Variants in FARS2 observed in about 807,000 individuals in gnomAD.
FARS2 encodes the protein phenylalanine--tRNA ligase, mitochondrial.
A neutral mutation model predicts 46.4 loss-of-function variants in FARS2; 40 were observed. The observed-to-expected ratio is 0.86, with a 90% CI of 0.67 to 1.12. The LOEUF (loss-of-function observed/expected upper bound fraction) is 1.12. Among genes scored for constraint, FARS2 ranks in the 50% most tolerant of loss-of-function variants. The probability of loss-of-function intolerance (pLI) is 0.00; values close to 1 mark genes in which losing one functional copy is unlikely to be tolerated. For synonymous variants in FARS2, 234 were observed against 214.9 expected (o/e 1.09, Z -0.78); for missense variants, 513 against 567.9 (o/e 0.90, Z 0.98).
At chr6:5,583,661 G>A (rs1157147810) in intron 5 of FARS2, among the ~76,000 whole-genome samples, 2 of 152,066 alleles carry the variant, frequency 1.3e-5, no homozygotes, top group East Asian at 3.8e-4. Flanking sequence ...CTATTACATA[G>A]ATATTGTTAC....
chr6:5,488,334 A>G (rs1349062670), intron 4 of FARS2, among the ~76,000 whole-genome samples: 1 of 152,216 alleles, frequency 6.6e-6, no homozygotes, highest in Non-Finnish European at 1.5e-5. Flanking sequence ...CACTGGTTCT[A>G]TATATATGAA....
At chr6:5,296,469 C>T (rs564161186) in intron 1 of FARS2, among the ~76,000 whole-genome samples, 5 of 152,122 alleles carry the variant, frequency 3.3e-5, no homozygotes, top group African/African-American at 9.6e-5. Flanking sequence ...GCATACAGTT[C>T]GCTAGCATTA....
At chr6:5,768,328 C>T (rs1762854721) in intron 6 of FARS2, among the ~76,000 whole-genome samples, 1 of 152,170 alleles carries the variant, frequency 6.6e-6, no homozygotes, top group Admixed American at 6.5e-5. Context: ...GAATCATTTA[C>T]ACCTAATTCA....
chr6:5,326,837 G>A (rs1770425275), intron 1 of FARS2, among the ~76,000 whole-genome samples: 1 of 152,128 alleles, frequency 6.6e-6, no homozygotes, highest in Non-Finnish European at 1.5e-5. Context: ...GCAATATTTG[G>A]AATTAGAAAC....
At chr6:5,711,128 G>A (rs1759119216) in intron 6 of FARS2, among the ~76,000 whole-genome samples, 1 of 152,128 alleles carries the variant, frequency 6.6e-6, no homozygotes, top group South Asian at 2.1e-4. Flanking sequence ...CACAATATTG[G>A]GGAATGGGGG....
At chr6:5,344,539 A>G (rs1757105242) in intron 1 of FARS2, among the ~76,000 whole-genome samples, 1 of 152,200 alleles carries the variant, frequency 6.6e-6, no homozygotes, top group Non-Finnish European at 1.5e-5. Context: ...GCAGTGTGTT[A>G]TGGAAGCATC....
At chr6:5,686,299 C>A (rs1222886233) in intron 6 of FARS2, among the ~76,000 whole-genome samples, 1 of 151,668 alleles carries the variant, frequency 6.6e-6, no homozygotes, top group African/African-American at 2.4e-5. Context: ...TGTGCTGCAC[C>A]CATTAACTCG....
chr6:5,411,315 G>T (rs1030591970), intron 3 of FARS2, among the ~76,000 whole-genome samples: 1 of 148,560 alleles, frequency 6.7e-6, no homozygotes, highest in Admixed American at 6.8e-5. Flanking sequence ...ACAAAAAATC[G>T]TCTTCTCTCT....
intron 1 of FARS2, among the ~76,000 whole-genome samples, chr6:5,309,604 C>A (rs915773604): frequency 6.6e-6 from 1 of 151,988 alleles, no homozygotes; most frequent in African/African-American, 2.4e-5. Context: ...GATCTTATGA[C>A]AGCCAAAATA....
chr6:5,638,824 C>A (rs1776671096), intron 6 of FARS2, among the ~76,000 whole-genome samples: 1 of 152,182 alleles, frequency 6.6e-6, no homozygotes, highest in South Asian at 2.1e-4. Flanking sequence ...GAGCCACCAC[C>A]AGGATAGGGG....
At chr6:5,762,959 G>A (rs1475146466) in intron 6 of FARS2, among the ~76,000 whole-genome samples, 1 of 152,210 alleles carries the variant, frequency 6.6e-6, no homozygotes, top group Non-Finnish European at 1.5e-5. Context: ...GTGAGAACGA[G>A]GAGGAGAACC....
At chr6:5,339,507 C>T (rs1462224116) in intron 1 of FARS2, among the ~76,000 whole-genome samples, 3 of 151,968 alleles carry the variant, frequency 2.0e-5, no homozygotes, top group Non-Finnish European at 4.4e-5. Flanking sequence ...CAGCTCACTG[C>T]AGCCTTGACC....
At chr6:5,465,293 C>T (rs908054372) in intron 4 of FARS2, among the ~76,000 whole-genome samples, 6 of 152,214 alleles carry the variant, frequency 3.9e-5, no homozygotes, top group African/African-American at 1.4e-4. Flanking sequence ...AAGCCTACAT[C>T]ATTTGAAAAA....
At chr6:5,307,816 G>C (rs1260647489) in intron 1 of FARS2, among the ~76,000 whole-genome samples, 1 of 147,814 alleles carries the variant, frequency 6.8e-6, no homozygotes, top group Non-Finnish European at 1.5e-5. Context: ...GGCACACGGG[G>C]CTAGGACACA....
At chr6:5,700,170 A>G (rs1283319141) in intron 6 of FARS2, among the ~76,000 whole-genome samples, 4 of 152,244 alleles carry the variant, frequency 2.6e-5, no homozygotes, top group Admixed American at 6.5e-5. Flanking sequence ...AGTCACGGAG[A>G]CATAAATACA....
intron 5 of FARS2, among the ~76,000 whole-genome samples, chr6:5,598,481 A>G (rs1774328103): frequency 6.6e-6 from 1 of 152,218 alleles, no homozygotes; most frequent in Non-Finnish European, 1.5e-5. Context: ...CTACCCTGTA[A>G]TTGAGAGTTG....
At chr6:5,450,977 T>G (rs148505089) in intron 4 of FARS2, among the ~76,000 whole-genome samples, 479 of 152,220 alleles carry the variant, frequency 3.1e-3, no homozygotes, top group Non-Finnish European at 5.4e-3. Flanking sequence ...TCATGAAGAT[T>G]TGGGAAAAAT....
intron 2 of FARS2, among the ~76,000 whole-genome samples, chr6:5,388,183 G>T (rs1213790130): frequency 2.0e-5 from 3 of 152,152 alleles, no homozygotes; most frequent in Non-Finnish European, 4.4e-5. Context: ...ATAATTTGAA[G>T]CATCCCCTTT....
intron 1 of FARS2, among the ~76,000 whole-genome samples, chr6:5,321,629 G>T (rs1422232253): frequency 1.1e-5 from 1 of 93,222 alleles, no homozygotes; most frequent in Non-Finnish European, 2.0e-5. Flanking sequence ...CATTCGGTAG[G>T]TGTCTTCTAT....
Sources: gnomAD v4.1 joint callset for allele counts (sites outside exome capture counted in the v4.1 genomes callset) on GRCh38, gnomAD v4.1.1 for gene constraint, MANE v1.5 for transcripts, NCBI Gene and HGNC (gene_info 2026-07-23, HGNC 2026-07-21) for gene names.